The following MICU1 variants were observed in gnomAD, a reference collection of about 807,000 sequenced individuals.
MICU1 encodes the protein calcium uptake protein 1, mitochondrial.
In MICU1, 45 loss-of-function variants were observed where a neutral mutation model predicts 56.8. The ratio of observed to expected loss-of-function variants is 0.79; its 90% CI spans 0.62 to 1.02. The LOEUF is 1.02. Among genes scored for constraint, MICU1 ranks in the 50% least tolerant of loss-of-function variants. MICU1 has a pLI of 0.00. For missense variants in MICU1, 504 were observed against 587.1 expected, an observed-to-expected ratio of 0.86 and a Z score of 1.46; for synonymous variants, 186 against 195.1, an observed-to-expected ratio of 0.95 and a Z score of 0.39.
chr10:72,586,009 T>TTTC, intron 1 of MICU1, among the ~76,000 whole-genome samples: 1 of 125,032 alleles, frequency 8.0e-6, no homozygotes, highest in Non-Finnish European at 1.7e-5. Context: ...TTCTTTTTTT[T>TTTC]TTTCTTTTTT....
intron 1 of MICU1, among the ~76,000 whole-genome samples, chr10:72,588,845 G>A (rs186710274): frequency 1.3e-5 from 2 of 152,224 alleles, no homozygotes; most frequent in East Asian, 3.9e-4. Context: ...AGCTCCCCTT[G>A]GGGGAAAAAT....
At chr10:72,593,409 G>A (rs1463792604) in intron 1 of MICU1, among the ~76,000 whole-genome samples, 1 of 151,906 alleles carries the variant, frequency 6.6e-6, no homozygotes. Context: ...AGACCAGCCT[G>A]GCCAACATGG....
intron 5 of MICU1, chr10:72,523,762 T>C (rs1351169412): frequency 5.3e-6 from 7 of 1,324,868 alleles, no homozygotes; most frequent in Non-Finnish European, 6.9e-6. Context: ...TAAACTACCA[T>C]TAAAGAGCCC....
intron 10 of MICU1, among the ~76,000 whole-genome samples, chr10:72,386,002 T>A: frequency 6.6e-6 from 1 of 152,180 alleles, no homozygotes; most frequent in East Asian, 1.9e-4. Context: ...GGACCTGAAT[T>A]CTGCCAACAG....
intron 10 of MICU1, among the ~76,000 whole-genome samples, chr10:72,392,356 G>C (rs1000952045): frequency 6.6e-6 from 1 of 152,256 alleles, no homozygotes; most frequent in Admixed American, 6.5e-5. Context: ...GATCATTTGA[G>C]GTCAGGAGTT....
At chr10:72,625,257 A>T (rs1039541351) in intron 1 of MICU1, among the ~76,000 whole-genome samples, 1 of 152,228 alleles carries the variant, frequency 6.6e-6, no homozygotes, top group African/African-American at 2.4e-5. Context: ...TATTTATTCT[A>T]CTTATATTTA....
At chr10:72,489,547 T>C (rs1324991034) in intron 6 of MICU1, among the ~76,000 whole-genome samples, 2 of 152,142 alleles carry the variant, frequency 1.3e-5, no homozygotes, top group Non-Finnish European at 2.9e-5. Flanking sequence ...CTGAATTAAC[T>C]AGAAAGGGAT....
At chr10:72,407,367 T>C (rs1475672485) in intron 10 of MICU1, among the ~76,000 whole-genome samples, 1 of 152,190 alleles carries the variant, frequency 6.6e-6, no homozygotes, top group Non-Finnish European at 1.5e-5. Flanking sequence ...ATTTCAACTG[T>C]TCTGAATGTT....
At chr10:72,465,667 C>T (rs1363467489) in intron 8 of MICU1, among the ~76,000 whole-genome samples, 5 of 151,902 alleles carry the variant, frequency 3.3e-5, no homozygotes, top group African/African-American at 1.2e-4. Flanking sequence ...GTACCTGCCA[C>T]CACACCTGGC....
intron 1 of MICU1, among the ~76,000 whole-genome samples, chr10:72,586,258 C>T (rs1841056974): frequency 6.6e-6 from 1 of 151,928 alleles, no homozygotes. Context: ...GCCACACTCC[C>T]ACCTTAGCCT....
intron 9 of MICU1, among the ~76,000 whole-genome samples, chr10:72,419,517 C>T (rs1218453829): frequency 3.9e-5 from 6 of 152,154 alleles, no homozygotes; most frequent in Non-Finnish European, 8.8e-5. Context: ...GAGGTCCTTT[C>T]AACTTTTCAA....
chr10:72,484,545 C>T (rs879682374), intron 6 of MICU1, among the ~76,000 whole-genome samples: 2 of 152,150 alleles, frequency 1.3e-5, no homozygotes, highest in African/African-American at 4.8e-5. Context: ...TAAGGGAAAA[C>T]AACTGTAATC....
intron 10 of MICU1, among the ~76,000 whole-genome samples, chr10:72,393,740 G>A (rs1179324661): frequency 6.6e-6 from 1 of 151,922 alleles, no homozygotes; most frequent in Non-Finnish European, 1.5e-5. Flanking sequence ...GTGAGACTAA[G>A]GAATCAAGGA....
At chr10:72,457,786 G>A (rs985834640) in intron 8 of MICU1, among the ~76,000 whole-genome samples, 1 of 152,058 alleles carries the variant, frequency 6.6e-6, no homozygotes, top group Non-Finnish European at 1.5e-5. Context: ...ACACCAATGG[G>A]TACAGTAATT....
intron 11 of MICU1, among the ~76,000 whole-genome samples, chr10:72,371,266 A>G (rs1862326028): frequency 1.3e-5 from 2 of 151,356 alleles, no homozygotes; most frequent in South Asian, 4.2e-4. Flanking sequence ...GGGTGCCTGT[A>G]GTCCCAGCTA....
chr10:72,432,549 C>A (rs1482766175), intron 8 of MICU1, among the ~76,000 whole-genome samples: 1 of 152,126 alleles, frequency 6.6e-6, no homozygotes, highest in African/African-American at 2.4e-5. Context: ...AGGATGGTGC[C>A]AGCCTCTGCT....
chr10:72,602,034 G>A (rs1033504092), intron 1 of MICU1, among the ~76,000 whole-genome samples: 11 of 150,812 alleles, frequency 7.3e-5, no homozygotes, highest in East Asian at 2.0e-4. Flanking sequence ...TCCTGACCTC[G>A]TGATCAACCC....
At position 72,381,013 on chromosome 10, in the gene MICU1, G is replaced by A. The variant is rs149854263; in HGVS notation, c.1181-5141C>T. ...AGGAACTCATACCGACAATTTTAGG[G>A]ACAACTTAAAAAGTGTATTCAACAG... is the stretch of plus-strand genomic sequence containing the variant. On this transcript the variant is annotated intron_variant, in intron 10 of 11. Transcript: ENST00000361114. 3.8e-3 allele frequency among the ~76,000 whole-genome samples: 573 copies of A among 152,244 alleles called. 4 individuals are homozygous for A. Among genetic ancestry groups the A allele is most frequent in the Admixed American group, 6.5e-3 (99 of 15,294 alleles).
intron 8 of MICU1, among the ~76,000 whole-genome samples, chr10:72,455,116 G>A (rs995047798): frequency 2.0e-5 from 3 of 151,918 alleles, no homozygotes; most frequent in East Asian, 3.9e-4. Context: ...TTGGGAGGCC[G>A]AGGTAGGTGG....
Sources: allele counts gnomAD v4.1 joint callset (sites outside exome capture counted in the v4.1 genomes callset), GRCh38; gene constraint gnomAD v4.1.1; transcripts MANE v1.5; gene names NCBI Gene and HGNC (gene_info 2026-07-23, HGNC 2026-07-21).